The following HSD17B4 variants were observed in gnomAD, a reference collection of about 807,000 sequenced individuals.
HSD17B4 encodes hydroxysteroid 17-beta dehydrogenase 4, also known as peroxisomal multifunctional enzyme type 2.
Under a neutral mutation model 101.0 loss-of-function variants are expected in HSD17B4, and 70 were observed. That is an observed-to-expected ratio of 0.69 (90% CI 0.57 to 0.85). HSD17B4 has a LOEUF of 0.85. HSD17B4 is among the 40% of genes least tolerant of loss of function. HSD17B4 has a pLI of 0.00. For synonymous variants in HSD17B4, 347 were observed against 297.1 expected (o/e 1.17, Z -1.73); for missense variants, 984 against 892.4 (o/e 1.10, Z -1.31).
chr5:119,470,121 C>T (rs745417447), intron 2 of HSD17B4, among the ~76,000 whole-genome samples: 4 of 152,026 alleles, frequency 2.6e-5, no homozygotes, highest in Non-Finnish European at 5.9e-5. Context: ...CAGGCTAATT[C>T]TCAGTCTCTG....
At chr5:119,464,576 G>C (rs1054774690) in intron 2 of HSD17B4, 1 of 151,760 alleles carries the variant, frequency 6.6e-6, no homozygotes, top group African/African-American at 2.4e-5. Context: ...TACCATTGCT[G>C]TTTGAGTAGC....
At chr5:119,532,602 A>G (rs990313873) in intron 22 of HSD17B4, among the ~76,000 whole-genome samples, 2 of 152,166 alleles carry the variant, frequency 1.3e-5, no homozygotes, top group African/African-American at 4.8e-5. Flanking sequence ...GAGATATTTC[A>G]TAAATAACTA....
Position 119,530,864 on chromosome 5 carries a change from C to CA in HSD17B4, c.1855-396dup, listed in dbSNP as rs1450884242. Among the ~76,000 whole-genome samples the CA allele has an allele frequency of 4.4e-4, 44 of 100,626 alleles. 3 individuals are homozygous for CA. In the East Asian group the frequency reaches 9.0e-3, roughly 21 times the overall value. 66.0% of individuals were successfully genotyped at this position (100,626 alleles called of 152,430 possible). A position where few individuals can be genotyped will look rare whatever the true frequency, so the allele number is the denominator to read the frequency against. On this transcript the variant is annotated intron_variant, in intron 21 of 23. Transcript: ENST00000510025. ...CTGTCTCAAAAAAAAAAAAAAAAAACAAAAAACAAAAAAAACCCAAAACTT... is the reference window on the plus strand; with the variant it reads ...CTGTCTCAAAAAAAAAAAAAAAAAACAAAAAAACAAAAAAAACCCAAAACTT...
chr5:119,475,686 T>G lies in HSD17B4; in HGVS notation c.281-20T>G, dbSNP rs1183508265. The G allele has an allele frequency of 6.3e-7, 1 of 1,576,130 alleles. No individual in the cohort carries two copies. Among genetic ancestry groups the G allele is most frequent in the Non-Finnish European group, 8.7e-7 (1 of 1,147,848 alleles). ...AATATGCTTGCTTTTAGATGTAACTTGTATCTTTTTATATTGTAGATGTTG... is the reference window on the plus strand; with the variant it reads ...AATATGCTTGCTTTTAGATGTAACTGGTATCTTTTTATATTGTAGATGTTG... On this transcript the variant is annotated intron_variant, in intron 4 of 23. Transcript: ENST00000510025.
At chr5:119,520,921 A>G (rs989042799) in intron 17 of HSD17B4, among the ~76,000 whole-genome samples, 2 of 151,900 alleles carry the variant, frequency 1.3e-5, no homozygotes, top group African/African-American at 4.8e-5. Context: ...TATTGTTCCC[A>G]TTTTGGGGGA....
chr5:119,514,019 G>A (rs887423457), intron 16 of HSD17B4, among the ~76,000 whole-genome samples: 2 of 152,060 alleles, frequency 1.3e-5, no homozygotes, highest in Non-Finnish European at 2.9e-5. Flanking sequence ...AAGACTGCTC[G>A]GGACCTATAG....
At chr5:119,521,997 T>C (rs1753156558) in intron 17 of HSD17B4, among the ~76,000 whole-genome samples, 1 of 152,054 alleles carries the variant, frequency 6.6e-6, no homozygotes, top group Admixed American at 6.5e-5. Context: ...GCAGGTTTGT[T>C]ACATACGTAT....
Position 119,506,939 on chromosome 5 carries a change from G to A in HSD17B4, c.1333+50G>A, listed in dbSNP as rs767819448. On this transcript the variant is annotated intron_variant, in intron 15 of 23. Coordinates refer to ENST00000510025, the MANE Select transcript of HSD17B4 (RefSeq NM_000414.4). The stretch of plus-strand genomic sequence containing the variant: ...TAATATTGTTAGATTGATAGGCTTT[G>A]TGTATGACATAATACTTCACCATAG... 12 of 938,742 alleles carry A rather than the reference G, an allele frequency of 1.3e-5. No homozygotes were observed. The East Asian group carries it at 2.8e-4, about 22-fold the overall frequency. The allele number at this position is 938,742 out of a possible 1,614,324, so 58.2% of individuals were successfully genotyped here. A position where few individuals can be genotyped will look rare whatever the true frequency, so the allele number is the denominator to read the frequency against.
Position 119,493,906 on chromosome 5 carries a change from C to T in HSD17B4, c.828C>T (p.Ile276=), listed in dbSNP as rs778433152. The change falls in exon 11 of 24, where the codon ATC becomes ATT. Residue 276 remains isoleucine, a synonymous_variant. Transcript: ENST00000510025. ...PEAVKANWKK[I]CDFENASKPQ... ...CAGTCAAGGCTAACTGGAAGAAGAT[C>T]TGTGACTTTGAGAATGCCAGCAAGC... The T allele has an allele frequency of 6.8e-6, 11 of 1,613,220 alleles. No homozygotes were observed.
chr5:119,458,696 T>C (rs1754920374), intron 2 of HSD17B4, among the ~76,000 whole-genome samples: 1 of 152,162 alleles, frequency 6.6e-6, no homozygotes, highest in African/African-American at 2.4e-5. Context: ...TGTGTTAATA[T>C]GATTGCTATG....
At position 119,542,015 on chromosome 5, in the gene HSD17B4, T is replaced by C. The variant is rs375257465; in HGVS notation, c.*21T>C. ...TCTGAAGGGCACACTACACTATTAA[T>C]AAAAATGGAATCATTAAATACTCTC... On this transcript the variant is annotated 3_prime_UTR_variant, in exon 24 of 24. Transcript: ENST00000510025. The C allele has an allele frequency of 3.3e-4, 492 of 1,502,112 alleles. 1 individual carries two copies. Among genetic ancestry groups the C allele is most frequent in the Non-Finnish European group, 4.2e-4 (450 of 1,079,378 alleles). The allele number at this position is 1,502,112 out of a possible 1,614,324, so 93.0% of individuals were successfully genotyped here.
In HSD17B4 at chr5:119,509,181, G is replaced by C. The variant is rs1437799470; in HGVS notation, c.1374G>C (p.Gln458His). The change falls in exon 16 of 24, where the codon CAG becomes CAC. Residue 458 changes from glutamine (Q) to histidine (H), a missense_variant. By Grantham distance (24) the Gln-to-His change is conservative. Transcript: ENST00000510025. The stretch of plus-strand genomic sequence containing the variant: ...AGAAGGAACTTATATGCCACAATCA[G>C]TTCTCTCTCTTTCTTGTTGGCTCTG... ...YSEKELICHN[Q>H]FSLFLVGSGG... The C allele has an allele frequency of 1.2e-6, 2 of 1,608,072 alleles. No individual in the cohort carries two copies. Among genetic ancestry groups the C allele is most frequent in the Non-Finnish European group, 1.7e-6 (2 of 1,174,636 alleles).
chr5:119,509,698 T>A (rs1375919401), intron 16 of HSD17B4, among the ~76,000 whole-genome samples: 1 of 151,852 alleles, frequency 6.6e-6, no homozygotes, highest in Non-Finnish European at 1.5e-5. Context: ...GCTGCAGGAG[T>A]CTTAGGGAGC....
intron 22 of HSD17B4, among the ~76,000 whole-genome samples, chr5:119,535,120 A>G (rs1223560201): frequency 6.6e-6 from 1 of 151,944 alleles, no homozygotes; most frequent in East Asian, 1.9e-4. Flanking sequence ...CTTCTGAGGC[A>G]TTTAAGAGTA....
intron 14 of HSD17B4, among the ~76,000 whole-genome samples, chr5:119,505,102 G>T (rs1448970389): frequency 6.6e-6 from 1 of 151,786 alleles, no homozygotes; most frequent in Non-Finnish European, 1.5e-5. Flanking sequence ...CTTTTCCATT[G>T]GTCTTTTCTT....
At position 119,515,035 on chromosome 5, in the gene HSD17B4, T is replaced by C; in HGVS notation, c.1492T>C (p.Ser498Pro). The C allele has an allele frequency of 1.9e-6, 3 of 1,576,396 alleles. No individual in the cohort carries two copies. The highest frequency in any genetic ancestry group is 2.6e-6 in the Non-Finnish European group (3 of 1,145,814). Residue 498 changes from serine to proline, a missense_variant, in exon 17 of 24, where the codon TCT (serine) becomes CCT (proline). Coordinates refer to ENST00000510025, the MANE Select transcript of HSD17B4 (RefSeq NM_000414.4). ...TGATGCTGTACTTACAGATACCACC[T>C]CTCTTAATCAGGTAAGATTGTATTT... ...PPDAVLTDTT[S>P]LNQAALYRLS... is the part of the protein sequence containing the mutation.
In HSD17B4 at chr5:119,479,282, A is replaced by G. The variant is rs11241506; in HGVS notation, c.622+261A>G. Among the ~76,000 whole-genome samples, 7,118 of 152,088 alleles carry G rather than the reference A, an allele frequency of 0.047. 607 individuals are homozygous for G. The highest frequency in any genetic ancestry group is 0.42 in the East Asian group (2,160 of 5,166). On this transcript the variant is annotated intron_variant, in intron 8 of 23. Transcript: ENST00000510025. ...ATTCATAATTTTTTTTTTGTTTTAC[A>G]CAATGGGGTAATATTCTTCCTGTTT...
intron 1 of HSD17B4, among the ~76,000 whole-genome samples, chr5:119,454,666 G>A (rs983769881): frequency 1.3e-5 from 2 of 152,068 alleles, no homozygotes; most frequent in Non-Finnish European, 2.9e-5. Context: ...CTGTTGCCGA[G>A]GCTGGAGTGC....
chr5:119,484,313 A>G (rs941406602), intron 8 of HSD17B4, among the ~76,000 whole-genome samples: 3 of 152,222 alleles, frequency 2.0e-5, no homozygotes, highest in African/African-American at 4.8e-5. Context: ...TGGAAAATCA[A>G]TCGACTGCTT....
Sources: gnomAD v4.1 joint callset for allele counts (sites outside exome capture counted in the v4.1 genomes callset) on GRCh38, gnomAD v4.1.1 for gene constraint, MANE v1.5 for transcripts, NCBI Gene and HGNC (gene_info 2026-07-23, HGNC 2026-07-21) for gene names.